Variants in PLD5 observed in about 807,000 individuals in gnomAD.
PLD5 encodes phospholipase D family member 5.
PLD5 carries 36 observed loss-of-function variants against 61.1 expected under a neutral mutation model. The ratio of observed to expected loss-of-function variants is 0.59; its 90% confidence interval spans 0.45 to 0.78. The LOEUF is 0.78. PLD5 is among the 30% of genes least tolerant of loss of function. The pLI is 0.00. For missense variants in PLD5, 515 were observed against 644.4 expected, an observed-to-expected ratio of 0.80 and a Z score of 2.17; for synonymous variants, 243 against 242.8, an observed-to-expected ratio of 1.00 and a Z score of -0.01.
intron 7 of PLD5, 78 bp downstream of exon 7, chr1:242,113,812 C>T: frequency 1.4e-6 from 2 of 1,478,384 alleles, no homozygotes; most frequent in Non-Finnish European, 1.8e-6. Flanking sequence ...CATTTCCAGG[C>T]TGGCTTCTCC....
intron 1 of PLD5, among the ~76,000 whole-genome samples, chr1:242,387,784 A>G (rs923592948): frequency 2.0e-5 from 3 of 150,932 alleles, no homozygotes; most frequent in Non-Finnish European, 4.4e-5. Context: ...GTGACAACGA[A>G]AGCTGTTTAC....
At chr1:242,453,081 C>T (rs1246027269) in intron 1 of PLD5, among the ~76,000 whole-genome samples, 1 of 152,180 alleles carries the variant, frequency 6.6e-6, no homozygotes, top group Non-Finnish European at 1.5e-5. Flanking sequence ...TATGTTGAAA[C>T]CTAATCCCCA....
chr1:242,118,154 G>T (rs754176236), intron 6 of PLD5, among the ~76,000 whole-genome samples: 1 of 152,186 alleles, frequency 6.6e-6, no homozygotes, highest in Non-Finnish European at 1.5e-5. Context: ...GGGCTTTGGT[G>T]ATACAGGCCA....
At chr1:242,095,529 G>A (rs1006947082) in intron 9 of PLD5, among the ~76,000 whole-genome samples, 1 of 152,100 alleles carries the variant, frequency 6.6e-6, no homozygotes, top group African/African-American at 2.4e-5. Flanking sequence ...ACCACGCCCG[G>A]CCTAAAACAT....
rs535763085 is a variant in PLD5, at chr1:242,187,623, C to T, written c.735+32365G>A. Among the ~76,000 whole-genome samples the T allele has an allele frequency of 2.6e-5, 4 of 152,278 alleles. No individual in the cohort carries two copies. The East Asian group carries it at 5.8e-4, about 22-fold the overall frequency. Reference sequence around the variant, plus strand: ...TGCCTGCATCATGTTTCATTAAGTGCACGTAGAATAATTTTACCATTCTAT... The same window carrying T: ...TGCCTGCATCATGTTTCATTAAGTGTACGTAGAATAATTTTACCATTCTAT... On this transcript the variant is annotated intron_variant, in intron 5 of 9. Transcript: ENST00000536534.
At chr1:242,516,742 A>T (rs2256981) in intron 1 of PLD5, among the ~76,000 whole-genome samples, 103,008 of 152,132 alleles carry the variant, frequency 0.68, 36,374 homozygotes, top group African/African-American at 0.87. Flanking sequence ...GAATAAGTTT[A>T]GATGCCTGGA....
intron 2 of PLD5, among the ~76,000 whole-genome samples, chr1:242,317,968 TCTGGGAACTTAGTA>T (rs1658125100): frequency 6.6e-6 from 1 of 152,190 alleles, no homozygotes. Context: ...GGACTGCAGT[TCTGGGAACTTAGTA>T]CTGGGTACCT....
At chr1:242,242,174 T>C (rs1349590487) in intron 4 of PLD5, among the ~76,000 whole-genome samples, 3 of 151,792 alleles carry the variant, frequency 2.0e-5, no homozygotes, top group Non-Finnish European at 4.4e-5. Context: ...TAAACATTTG[T>C]TAAAAGAGTG....
Position 242,089,712 on chromosome 1 carries a change from T to C in PLD5, c.*142A>G. ...CGACGCTAAGATATTGTTAGATAGG[T>C]ATTATGTGTTGTTCAGAGAATATTT... On this transcript the variant is annotated 3_prime_UTR_variant, in exon 10 of 10. Coordinates refer to ENST00000536534, the MANE Select transcript of PLD5 (RefSeq NM_001372062.1). 9.9e-7 allele frequency: 1 copy of C among 1,012,256 alleles called. No homozygotes were observed. Among genetic ancestry groups the C allele is most frequent in the Non-Finnish European group, 1.5e-6 (1 of 681,832 alleles). The allele number at this position is 1,012,256 out of a possible 1,614,324, so 62.7% of individuals were successfully genotyped here.
rs1303828897 is a variant in PLD5 at position 242,088,477 on chromosome 1, A to G, written c.*1377T>C. 3 of 152,162 alleles carry G rather than the reference A, an allele frequency of 2.0e-5. No homozygotes were observed. The highest frequency in any genetic ancestry group is 4.4e-5 in the Non-Finnish European group (3 of 68,042). 9.4% of individuals were successfully genotyped at this position (152,162 alleles called of 1,614,324 possible). A position where few individuals can be genotyped will look rare whatever the true frequency, so the allele number is the denominator to read the frequency against. The stretch of plus-strand genomic sequence containing the variant: ...TTTATATAGGTTCTTTTGATTTCAA[A>G]ACAAGTTATAAATATTTCCTACCGT... On this transcript the variant is annotated 3_prime_UTR_variant, in exon 10 of 10. Transcript: ENST00000536534.
chr1:242,410,028 T>C, intron 1 of PLD5, among the ~76,000 whole-genome samples: 1 of 152,138 alleles, frequency 6.6e-6, no homozygotes, highest in Non-Finnish European at 1.5e-5. Context: ...GGACCCCTTT[T>C]CCCCTCTAGC....
rs539467044 is a variant in PLD5, at chr1:242,428,551, T to C, written c.190-80309A>G. ...GCAAAATGTCAGGTTATCTTTCAAA[T>C]TCACGAGCATAATGCATGACCTCAA... On this transcript the variant is annotated intron_variant, in intron 1 of 9. Coordinates refer to ENST00000536534, the MANE Select transcript of PLD5 (RefSeq NM_001372062.1). 2.0e-5 allele frequency among the ~76,000 whole-genome samples: 3 copies of C among 152,352 alleles called. No homozygotes were observed. In the South Asian group the frequency reaches 6.2e-4, roughly 32 times the overall value.
intron 5 of PLD5, among the ~76,000 whole-genome samples, chr1:242,150,956 T>C (rs532697008): frequency 1.2e-3 from 187 of 151,950 alleles, no homozygotes; most frequent in African/African-American, 4.2e-3. Context: ...TCATTCTTTA[T>C]GCATTATTTA....
Position 242,524,074 on chromosome 1 carries a change from C to A in PLD5, c.189+14G>T. The A allele has an allele frequency of 1.3e-6, 2 of 1,529,780 alleles. No homozygotes were observed. Among genetic ancestry groups the A allele is most frequent in the South Asian group, 1.2e-5 (1 of 83,796 alleles). 94.8% of individuals were successfully genotyped at this position (1,529,780 alleles called of 1,614,324 possible). ...GGTGCCTGGCCGAGGCCCCCGGGAG[C>A]GAGTCGCCCTTACGTGCTCCAGCTT... On this transcript the variant is annotated intron_variant, in intron 1 of 9. Transcript: ENST00000536534.
At chr1:242,155,750 G>A (rs1344374657) in intron 5 of PLD5, among the ~76,000 whole-genome samples, 3 of 152,154 alleles carry the variant, frequency 2.0e-5, no homozygotes, top group Non-Finnish European at 4.4e-5. Context: ...TGCATTTGCT[G>A]AGGAGTGTTT....
intron 2 of PLD5, among the ~76,000 whole-genome samples, chr1:242,315,230 A>G (rs1403613902): frequency 6.6e-6 from 1 of 152,200 alleles, no homozygotes; most frequent in Non-Finnish European, 1.5e-5. Context: ...TTAACTAATT[A>G]ATCAACACCA....
intron 1 of PLD5, among the ~76,000 whole-genome samples, chr1:242,392,621 G>A (rs543874821): frequency 1.3e-5 from 2 of 152,264 alleles, no homozygotes; most frequent in South Asian, 2.1e-4. Flanking sequence ...CAAGGCTGAT[G>A]GGCTGGCCCC....
intron 1 of PLD5, among the ~76,000 whole-genome samples, chr1:242,395,105 G>GAATATATATGTATA (rs1663488948): frequency 8.4e-6 from 1 of 119,206 alleles, no homozygotes; most frequent in African/African-American, 3.1e-5. Context: ...ATATATGTAT[G>GAATATATATGTATA]TATATGAATA....
chr1:242,105,931 C>T (rs1470024807), intron 8 of PLD5, among the ~76,000 whole-genome samples: 2 of 152,194 alleles, frequency 1.3e-5, no homozygotes, highest in Non-Finnish European at 2.9e-5. Context: ...GAAACAAGTA[C>T]ATCAGAACCT....
Sources: allele counts gnomAD v4.1 joint callset (sites outside exome capture counted in the v4.1 genomes callset), GRCh38; gene constraint gnomAD v4.1.1; transcripts MANE v1.5; gene names NCBI Gene and HGNC (gene_info 2026-07-23, HGNC 2026-07-21).